The following ATP2B2 variants were observed in gnomAD, a reference collection of about 807,000 sequenced individuals.
ATP2B2 encodes ATPase plasma membrane Ca2+ transporting 2.
In ATP2B2, 15 loss-of-function variants were observed where a neutral mutation model predicts 120.0. The observed-to-expected ratio is 0.12, with a 90% CI of 0.08 to 0.19. ATP2B2 has a LOEUF of 0.19. ATP2B2 is among the 10% of genes least tolerant of loss of function. The pLI, the probability that ATP2B2 is intolerant of heterozygous loss-of-function variation, is 1.00. For missense variants in ATP2B2, 1,045 were observed against 1,719.8 expected, an observed-to-expected ratio of 0.61 and a Z score of 6.94; for synonymous variants, 694 against 700.3, an observed-to-expected ratio of 0.99 and a Z score of 0.14.
upstream of ATP2B2, chr3:10,708,059 G>GCCGC (rs1272704799): frequency 9.6e-5 from 5 of 52,052 alleles, no homozygotes; most frequent in Non-Finnish European, 1.9e-4. Context: ...CGGCCCCGCC[G>GCCGC]CCGCCCGCCC....
rs962409892 is a variant in ATP2B2 at position 10,455,098 on chromosome 3, C to T, written c.-319-5236G>A. On this transcript the variant is annotated intron_variant, in intron 1 of 22. Transcript: ENST00000360273. Reference sequence around the variant, plus strand: ...TAAATATTTGGTGTTGGGTCTACTGCCTGTGGAAGCTGTGACTTTAGATAG... The same window carrying T: ...TAAATATTTGGTGTTGGGTCTACTGTCTGTGGAAGCTGTGACTTTAGATAG... 1.2e-4 allele frequency among the ~76,000 whole-genome samples: 19 copies of T among 152,174 alleles called. No homozygotes were observed. In the East Asian group the frequency reaches 2.3e-3, roughly 18 times the overall value.
chr3:10,345,969 A>G lies in ATP2B2; in HGVS notation c.2511+62T>C, dbSNP rs886659053. The G allele has an allele frequency of 2.0e-6, 3 of 1,504,408 alleles. No homozygotes were observed. In the African/African-American group the frequency reaches 4.1e-5, roughly 21 times the overall value. 93.2% of individuals were successfully genotyped at this position (1,504,408 alleles called of 1,614,324 possible). On this transcript the variant is annotated intron_variant, in intron 17 of 22. Coordinates refer to ENST00000360273, the MANE Select transcript of ATP2B2 (RefSeq NM_001001331.4). ...CTGGGGCTCCTGAGTAGCCAGCCCA[A>G]GGTTGTGTAGTCCAATCTCCCCAGC...
chr3:10,412,534 A>G (rs1047907943), intron 2 of ATP2B2, among the ~76,000 whole-genome samples: 7 of 152,282 alleles, frequency 4.6e-5, no homozygotes, highest in African/African-American at 1.7e-4. Context: ...CAAACCGGGA[A>G]CAGCCTTTCC....
chr3:10,651,655 T>C (rs1004316560), intron 1 of ATP2B2, among the ~76,000 whole-genome samples: 6 of 151,598 alleles, frequency 4.0e-5, no homozygotes, highest in Non-Finnish European at 8.8e-5. Flanking sequence ...TATAGGTGGA[T>C]GGAAGGGTGG....
At chr3:10,357,173 C>T (rs1021655004) in intron 14 of ATP2B2, among the ~76,000 whole-genome samples, 52 of 152,106 alleles carry the variant, frequency 3.4e-4, no homozygotes, top group African/African-American at 1.2e-3. Context: ...GAAGGGGACC[C>T]ACGTATGTAG....
At chr3:10,503,538 G>A (rs2066478779) in intron 1 of ATP2B2, among the ~76,000 whole-genome samples, 1 of 152,234 alleles carries the variant, frequency 6.6e-6, no homozygotes, top group African/African-American at 2.4e-5. Flanking sequence ...GTCCCTTAAG[G>A]GGCAAGCTCT....
rs984088277 is a variant in ATP2B2 at position 10,474,226 on chromosome 3, A to G, written c.-319-24364T>C. Among the ~76,000 whole-genome samples, 3 of 151,876 alleles carry G rather than the reference A, an allele frequency of 2.0e-5. No individual in the cohort carries two copies. The East Asian group carries it at 5.8e-4, about 29-fold the overall frequency. Reference sequence around the variant, plus strand: ...TTTACTGCAGTGGGTCGGGGAAGGGAGCAGGCTTTTGGGGGTGGGTGGAGA... The same window carrying G: ...TTTACTGCAGTGGGTCGGGGAAGGGGGCAGGCTTTTGGGGGTGGGTGGAGA... On this transcript the variant is annotated intron_variant, in intron 1 of 22. Coordinates refer to ENST00000360273, the MANE Select transcript of ATP2B2 (RefSeq NM_001001331.4).
chr3:10,463,657 T>C (rs1373382224), intron 1 of ATP2B2, among the ~76,000 whole-genome samples: 3 of 152,202 alleles, frequency 2.0e-5, no homozygotes, highest in South Asian at 4.1e-4. Flanking sequence ...TGTTACACAG[T>C]GGCCCCTCAG....
At chr3:10,575,391 A>T (rs1205372314) in intron 2 of ATP2B2, among the ~76,000 whole-genome samples, 1 of 152,222 alleles carries the variant, frequency 6.6e-6, no homozygotes, top group Non-Finnish European at 1.5e-5. Context: ...AGAAGAGGTC[A>T]TTGGGAAAAT....
chr3:10,655,074 G>C (rs1461492192), intron 1 of ATP2B2, among the ~76,000 whole-genome samples: 1 of 152,138 alleles, frequency 6.6e-6, no homozygotes, highest in Non-Finnish European at 1.5e-5. Context: ...GCAGGAACTA[G>C]TCAATAAAAG....
chr3:10,492,806 T>C (rs1311491825), intron 1 of ATP2B2, among the ~76,000 whole-genome samples: 4 of 152,154 alleles, frequency 2.6e-5, no homozygotes, highest in African/African-American at 4.8e-5. Flanking sequence ...TCAAGTGTGA[T>C]GGTGAGGGAG....
At chr3:10,413,908 C>T (rs11918538) in intron 2 of ATP2B2, among the ~76,000 whole-genome samples, 18 of 152,174 alleles carry the variant, frequency 1.2e-4, no homozygotes, top group Non-Finnish European at 2.9e-5. Flanking sequence ...CCGTGGGCCT[C>T]TGAGGGAGGG....
In ATP2B2 at chr3:10,449,605, G is replaced by C; in HGVS notation, c.-62C>G. ...TCAGCGCTGGACAAGAGGCTGCCGGGTGATGGCTGCTTGTGGCTGTCCTCA... is the reference window on the plus strand; with the variant it reads ...TCAGCGCTGGACAAGAGGCTGCCGGCTGATGGCTGCTTGTGGCTGTCCTCA... On this transcript the variant is annotated 5_prime_UTR_variant, in exon 2 of 23. Transcript: ENST00000360273. 1 of 1,594,270 alleles carries C rather than the reference G, an allele frequency of 6.3e-7. No individual in the cohort carries two copies. The highest frequency in any genetic ancestry group is 8.6e-7 in the Non-Finnish European group (1 of 1,162,844).
intron 1 of ATP2B2, among the ~76,000 whole-genome samples, chr3:10,482,221 TG>T (rs1305874591): frequency 6.6e-6 from 1 of 152,180 alleles, no homozygotes; most frequent in Non-Finnish European, 1.5e-5. Context: ...ATAGCCAGCC[TG>T]GGGGTGGGCT....
chr3:10,542,472 T>A (rs1383290403), intron 2 of ATP2B2, among the ~76,000 whole-genome samples: 1 of 152,212 alleles, frequency 6.6e-6, no homozygotes, highest in Non-Finnish European at 1.5e-5. Context: ...GAATTCTTTT[T>A]AAAAAATTGT....
intron 2 of ATP2B2, among the ~76,000 whole-genome samples, chr3:10,444,076 C>T (rs2063755851): frequency 6.6e-6 from 1 of 152,202 alleles, no homozygotes; most frequent in African/African-American, 2.4e-5. Flanking sequence ...CTCCTCTCGG[C>T]CTCATACCTG....
At chr3:10,621,820 T>C (rs2069558460) in intron 1 of ATP2B2, among the ~76,000 whole-genome samples, 1 of 152,214 alleles carries the variant, frequency 6.6e-6, no homozygotes. Flanking sequence ...AGAAGTTACA[T>C]GGCACTCACA....
chr3:10,405,976 C>T (rs1265970349), intron 3 of ATP2B2, among the ~76,000 whole-genome samples: 6 of 152,156 alleles, frequency 3.9e-5, no homozygotes, highest in Non-Finnish European at 7.4e-5. Flanking sequence ...AGGACAAGTG[C>T]CTAGAGGTCT....
intron 1 of ATP2B2, among the ~76,000 whole-genome samples, chr3:10,627,849 A>G (rs144378900): frequency 3.6e-4 from 55 of 152,194 alleles, no homozygotes; most frequent in African/African-American, 1.3e-3. Context: ...GGTCACTTAT[A>G]TAAGTAGGAA....
Sources: allele counts gnomAD v4.1 joint callset (sites outside exome capture counted in the v4.1 genomes callset), GRCh38; gene constraint gnomAD v4.1.1; transcripts MANE v1.5; gene names NCBI Gene and HGNC (gene_info 2026-07-23, HGNC 2026-07-21).